Variants in GRM1 observed in about 807,000 individuals in gnomAD.
GRM1 encodes the protein metabotropic glutamate receptor 1.
GRM1 carries 33 observed loss-of-function variants against 90.9 expected under a neutral mutation model. The observed-to-expected ratio is 0.36, with a 90% CI of 0.28 to 0.49. The LOEUF is 0.49. Among genes scored for constraint, GRM1 ranks in the 20% least tolerant of loss-of-function variants. The probability of loss-of-function intolerance (pLI) is 0.99; values close to 1 mark genes in which losing one functional copy is unlikely to be tolerated. For missense variants in GRM1, 1,190 were observed against 1,534.3 expected (o/e 0.78, Z 3.75); for synonymous variants, 700 against 613.2 (o/e 1.14, Z -2.09).
intron 2 of GRM1, among the ~76,000 whole-genome samples, chr6:146,206,746 C>A (rs1468279969): frequency 6.6e-6 from 1 of 151,938 alleles, no homozygotes; most frequent in African/African-American, 2.4e-5. Context: ...CCCCAGTACC[C>A]AATCTTTTGG....
intron 1 of GRM1, among the ~76,000 whole-genome samples, chr6:146,155,846 C>G (rs1300445656): frequency 6.6e-6 from 1 of 152,128 alleles, no homozygotes; most frequent in East Asian, 1.9e-4. Context: ...AAAGGAGTTT[C>G]CATTTTATTC....
At chr6:146,163,829 T>C (rs1777817862) in intron 2 of GRM1, among the ~76,000 whole-genome samples, 1 of 152,198 alleles carries the variant, frequency 6.6e-6, no homozygotes, top group African/African-American at 2.4e-5. Flanking sequence ...CTTTGCATTC[T>C]TTTATTTCAT....
intron 1 of GRM1, among the ~76,000 whole-genome samples, chr6:146,132,906 C>G (rs1277228928): frequency 6.6e-6 from 1 of 152,178 alleles, no homozygotes; most frequent in Admixed American, 6.5e-5. Flanking sequence ...AGGCCTAGTT[C>G]TACCTGGCAT....
chr6:146,387,681 A>T (rs1776558252), intron 6 of GRM1, among the ~76,000 whole-genome samples: 1 of 152,074 alleles, frequency 6.6e-6, no homozygotes, highest in Non-Finnish European at 1.5e-5. Flanking sequence ...CCATAGAACA[A>T]GTATGTGGGG....
chr6:146,377,286 A>G (rs544393091), intron 5 of GRM1, among the ~76,000 whole-genome samples: 39 of 152,242 alleles, frequency 2.6e-4, no homozygotes, highest in Non-Finnish European at 1.3e-4. Flanking sequence ...GAAGACAGGA[A>G]AGTGTAGGAA....
At chr6:146,357,213 TTAA>T (rs1228686503) in intron 4 of GRM1, among the ~76,000 whole-genome samples, 1 of 152,188 alleles carries the variant, frequency 6.6e-6, no homozygotes, top group Non-Finnish European at 1.5e-5. Flanking sequence ...AAAGAATAAC[TTAA>T]TAAACCATAA....
chr6:146,185,104 C>T (rs1478521830), intron 2 of GRM1, among the ~76,000 whole-genome samples: 2 of 152,136 alleles, frequency 1.3e-5, no homozygotes, highest in East Asian at 3.8e-4. Context: ...CCAAAAGTAC[C>T]ACTGAGTGAC....
chr6:146,331,045 G>T (rs1285000415), intron 3 of GRM1, among the ~76,000 whole-genome samples: 4 of 152,306 alleles, frequency 2.6e-5, no homozygotes, highest in African/African-American at 9.6e-5. Context: ...TATACACGAT[G>T]TGCTAATTGT....
intron 2 of GRM1, among the ~76,000 whole-genome samples, chr6:146,178,260 T>C (rs1381038229): frequency 1.3e-5 from 2 of 152,188 alleles, no homozygotes; most frequent in Non-Finnish European, 2.9e-5. Flanking sequence ...ATGTCTCTCA[T>C]CTAGCACTTG....
chr6:146,130,381 T>A (rs187957564), intron 1 of GRM1, among the ~76,000 whole-genome samples: 93 of 152,190 alleles, frequency 6.1e-4, no homozygotes, highest in African/African-American at 2.1e-3. Flanking sequence ...TGAAAATAAA[T>A]TTCTTAAGAA....
chr6:146,297,474 A>G (rs563368986), intron 2 of GRM1, among the ~76,000 whole-genome samples: 7 of 151,832 alleles, frequency 4.6e-5, no homozygotes, highest in African/African-American at 1.7e-4. Flanking sequence ...AGTCCAAACA[A>G]TTTTTTTTTA....
At chr6:146,374,671 A>G (rs1185279758) in intron 5 of GRM1, among the ~76,000 whole-genome samples, 1 of 152,118 alleles carries the variant, frequency 6.6e-6, no homozygotes, top group African/African-American at 2.4e-5. Flanking sequence ...TGTTCATAGT[A>G]GCCAGTAATG....
intron 2 of GRM1, among the ~76,000 whole-genome samples, chr6:146,201,086 T>G (rs1248892911): frequency 1.3e-5 from 2 of 152,208 alleles, no homozygotes; most frequent in Non-Finnish European, 2.9e-5. Context: ...TCAAACTTCT[T>G]TGATCATGGA....
intron 2 of GRM1, among the ~76,000 whole-genome samples, chr6:146,227,384 A>G (rs1375270189): frequency 6.6e-6 from 1 of 152,158 alleles, no homozygotes; most frequent in Non-Finnish European, 1.5e-5. Flanking sequence ...CATAATTTAC[A>G]CTAGGGTTTA....
chr6:146,271,827 C>T (rs1411261727), intron 2 of GRM1, among the ~76,000 whole-genome samples: 1 of 152,220 alleles, frequency 6.6e-6, no homozygotes, highest in Non-Finnish European at 1.5e-5. Context: ...TGAGCCAAAT[C>T]ACTCACCCAT....
At chr6:146,228,689 T>C (rs1780337725) in intron 2 of GRM1, among the ~76,000 whole-genome samples, 3 of 152,206 alleles carry the variant, frequency 2.0e-5, no homozygotes, top group Admixed American at 2.0e-4. Context: ...ATATGTAAGA[T>C]AACTCAATCA....
rs1040509287 is a variant in GRM1, at chr6:146,399,843, T to A, written c.2660+144T>A. On this transcript the variant is annotated intron_variant, in intron 7 of 7. Transcript: ENST00000282753. This position sits in a 1 kb window ranked among gnomAD's most constrained non-coding sequence, Gnocchi z 5.4. ...TTCCATTTCCCCCATGTCTTTCTCT[T>A]CCTTTCTTAATCTTTTCTCCCTTTC... 11 of 666,880 alleles carry A rather than the reference T, an allele frequency of 1.6e-5. No homozygotes were observed. The African/African-American group carries it at 2.0e-4, about 12-fold the overall frequency. The allele number at this position is 666,880 out of a possible 1,614,324, so 41.3% of individuals were successfully genotyped here.
At chr6:146,191,007 C>G (rs1778919390) in intron 2 of GRM1, among the ~76,000 whole-genome samples, 1 of 152,206 alleles carries the variant, frequency 6.6e-6, no homozygotes, top group African/African-American at 2.4e-5. Flanking sequence ...TATCATCACA[C>G]AGCTGCCTCA....
At chr6:146,412,859 A>G (rs1166921153) in intron 7 of GRM1, among the ~76,000 whole-genome samples, 1 of 152,182 alleles carries the variant, frequency 6.6e-6, no homozygotes, top group Non-Finnish European at 1.5e-5. Flanking sequence ...CAAATTTCAT[A>G]CTACCTTCCC....
Sources: gnomAD v4.1 joint callset for allele counts (sites outside exome capture counted in the v4.1 genomes callset) on GRCh38, gnomAD v4.1.1 for gene constraint, Gnocchi (gnomAD v3.1) non-coding constraint, MANE v1.5 for transcripts, NCBI Gene and HGNC (gene_info 2026-07-23, HGNC 2026-07-21) for gene names.